DPYSL3: variants seen among roughly 807,000 people sequenced by gnomAD.
The protein encoded by DPYSL3 is dihydropyrimidinase-related protein 3.
In DPYSL3, 16 loss-of-function variants were observed where a neutral mutation model predicts 66.1. That is an observed-to-expected ratio of 0.24 (90% CI 0.16 to 0.37). The LOEUF is 0.37. DPYSL3 is among the 10% of genes least tolerant of loss of function. The probability of loss-of-function intolerance (pLI) is 1.00; values close to 1 mark genes in which losing one functional copy is unlikely to be tolerated. For synonymous variants in DPYSL3, 338 were observed against 345.1 expected, an observed-to-expected ratio of 0.98 and a Z score of 0.23; for missense variants, 738 against 916.2, an observed-to-expected ratio of 0.81 and a Z score of 2.51.
At chr5:147,505,111 T>G (rs1054916071) in intron 1 of DPYSL3, among the ~76,000 whole-genome samples, 1 of 152,166 alleles carries the variant, frequency 6.6e-6, no homozygotes, top group African/African-American at 2.4e-5. Context: ...TGCCGAGGAT[T>G]TTAGTAACAT....
chr5:147,392,149 T>C lies in DPYSL3; in HGVS notation c.*1886A>G, dbSNP rs1757828212. 6.6e-6 allele frequency: 1 copy of C among 152,230 alleles called. No homozygotes were observed. The highest frequency in any genetic ancestry group is 2.1e-4 in the South Asian group (1 of 4,830). The allele number at this position is 152,230 out of a possible 1,614,324, so 9.4% of individuals were successfully genotyped here. A position where few individuals can be genotyped will look rare whatever the true frequency, so the allele number is the denominator to read the frequency against. ...TCTCTGCACATAAAACTGTTATTCT[T>C]AGTTCTCTGAAAGACCCCCACATCT... On this transcript the variant is annotated 3_prime_UTR_variant, in exon 14 of 14. Coordinates refer to ENST00000343218, the MANE Select transcript of DPYSL3 (RefSeq NM_001197294.2).
At chr5:147,431,884 T>C (rs911866902) in intron 1 of DPYSL3, among the ~76,000 whole-genome samples, 1 of 152,008 alleles carries the variant, frequency 6.6e-6, no homozygotes, top group Non-Finnish European at 1.5e-5. Context: ...GGCAGTAAGG[T>C]CTTAAAGCTG....
intron 1 of DPYSL3, among the ~76,000 whole-genome samples, chr5:147,434,138 A>G (rs1752370386): frequency 6.6e-6 from 1 of 152,164 alleles, no homozygotes. Flanking sequence ...ATGTACTGTT[A>G]AAATCAAATC....
At chr5:147,469,584 G>A (rs1038686969) in intron 1 of DPYSL3, among the ~76,000 whole-genome samples, 1 of 152,200 alleles carries the variant, frequency 6.6e-6, no homozygotes, top group Admixed American at 6.5e-5. Context: ...TGTTGCCCAA[G>A]GCACAGAATG....
intron 1 of DPYSL3, among the ~76,000 whole-genome samples, chr5:147,476,621 G>A (rs1691264119): frequency 6.6e-6 from 1 of 152,046 alleles, no homozygotes; most frequent in African/African-American, 2.4e-5. Context: ...TGTAAATTTT[G>A]GTCTCTCAGT....
chr5:147,468,571 C>T (rs1237255992), intron 1 of DPYSL3, among the ~76,000 whole-genome samples: 1 of 152,136 alleles, frequency 6.6e-6, no homozygotes, highest in African/African-American at 2.4e-5. Flanking sequence ...AAGCTCTCCC[C>T]ACTTAACTCT....
At chr5:147,439,404 G>A (rs1752488574) in intron 1 of DPYSL3, among the ~76,000 whole-genome samples, 1 of 151,850 alleles carries the variant, frequency 6.6e-6, no homozygotes, top group African/African-American at 2.4e-5. Flanking sequence ...AAGTACAGAA[G>A]CTTTGAGCTG....
chr5:147,477,314 T>C (rs1041812266), intron 1 of DPYSL3, among the ~76,000 whole-genome samples: 4 of 151,594 alleles, frequency 2.6e-5, no homozygotes, highest in African/African-American at 9.8e-5. Context: ...GATATAACTA[T>C]GACCAGATAG....
chr5:147,439,323 G>A (rs1581195129), intron 1 of DPYSL3, among the ~76,000 whole-genome samples: 1 of 152,036 alleles, frequency 6.6e-6, no homozygotes, highest in Admixed American at 6.6e-5. Context: ...TTTCAAAGAG[G>A]GCATGTCTAA....
chr5:147,437,442 T>G (rs933439026), intron 1 of DPYSL3, among the ~76,000 whole-genome samples: 1 of 152,176 alleles, frequency 6.6e-6, no homozygotes, highest in Non-Finnish European at 1.5e-5. Context: ...GACATTGTAT[T>G]TTTAAAGCTT....
intron 1 of DPYSL3, among the ~76,000 whole-genome samples, chr5:147,504,476 T>G (rs974614910): frequency 3.3e-5 from 5 of 152,188 alleles, no homozygotes; most frequent in Admixed American, 3.3e-4. Context: ...GGTACAAACT[T>G]TCATTTGTCA....
chr5:147,498,602 T>C (rs927251750), intron 1 of DPYSL3, among the ~76,000 whole-genome samples: 13 of 152,334 alleles, frequency 8.5e-5, no homozygotes, highest in Admixed American at 8.5e-4. Context: ...CAATGTCTAT[T>C]ATTTTTTGAC....
intron 1 of DPYSL3, among the ~76,000 whole-genome samples, chr5:147,435,857 C>A (rs922349746): frequency 2.0e-5 from 3 of 152,094 alleles, no homozygotes; most frequent in Admixed American, 2.0e-4. Flanking sequence ...GTGTTTAGGG[C>A]AAATAAATGG....
chr5:147,444,556 T>C (rs938572892), intron 1 of DPYSL3, among the ~76,000 whole-genome samples: 4 of 152,098 alleles, frequency 2.6e-5, no homozygotes, highest in East Asian at 1.9e-4. Flanking sequence ...TAATCAAAGG[T>C]TTTTGGTTCC....
intron 10 of DPYSL3, among the ~76,000 whole-genome samples, chr5:147,400,036 A>T (rs1758124996): frequency 6.6e-6 from 1 of 151,654 alleles, no homozygotes; most frequent in Non-Finnish European, 1.5e-5. Flanking sequence ...GCTTTAGTAT[A>T]CATAACTTTG....
intron 1 of DPYSL3, among the ~76,000 whole-genome samples, chr5:147,487,264 C>T (rs2126442849): frequency 6.6e-6 from 1 of 152,322 alleles, no homozygotes. Context: ...GCCTTGCCTC[C>T]ATTTCATAAA....
At chr5:147,466,847 C>A (rs534646854) in intron 1 of DPYSL3, among the ~76,000 whole-genome samples, 1 of 152,284 alleles carries the variant, frequency 6.6e-6, no homozygotes, top group East Asian at 1.9e-4. Flanking sequence ...AGTTCTGGCT[C>A]CGTTTTGCGG....
At chr5:147,495,953 A>G (rs1268287306) in intron 1 of DPYSL3, among the ~76,000 whole-genome samples, 1 of 152,190 alleles carries the variant, frequency 6.6e-6, no homozygotes, top group Admixed American at 6.6e-5. Flanking sequence ...CAATCCGAAG[A>G]CAAAAGAACA....
At chr5:147,423,252 A>C (rs1752120034) in intron 2 of DPYSL3, among the ~76,000 whole-genome samples, 1 of 152,172 alleles carries the variant, frequency 6.6e-6, no homozygotes, top group South Asian at 2.1e-4. Flanking sequence ...TCTTACTTCC[A>C]ATATAAGAAA....
Sources: gnomAD v4.1 joint callset for allele counts (sites outside exome capture counted in the v4.1 genomes callset) on GRCh38, gnomAD v4.1.1 for gene constraint, MANE v1.5 for transcripts, NCBI Gene and HGNC (gene_info 2026-07-23, HGNC 2026-07-21) for gene names.